KPNA3: variants seen among roughly 807,000 people sequenced by gnomAD.
KPNA3 encodes importin subunit alpha-4.
In KPNA3, 13 loss-of-function variants were observed where a neutral mutation model predicts 73.8. The ratio of observed to expected loss-of-function variants is 0.18; its 90% CI spans 0.11 to 0.28. KPNA3 has a LOEUF of 0.28. KPNA3 is among the 10% of genes least tolerant of loss of function. The pLI is 1.00. For missense variants in KPNA3, 360 were observed against 618.1 expected, an observed-to-expected ratio of 0.58 and a Z score of 4.43; for synonymous variants, 186 against 206.9, an observed-to-expected ratio of 0.90 and a Z score of 0.87.
At chr13:49,717,392 TGCACTCCA>T (rs1954313675) in intron 10 of KPNA3, among the ~76,000 whole-genome samples, 1 of 133,376 alleles carries the variant, frequency 7.5e-6, no homozygotes. Flanking sequence ...ATCGCGCCAC[TGCACTCCA>T]GCCTGGGTGA....
At chr13:49,711,279 G>GT (rs1473704033) in intron 10 of KPNA3, among the ~76,000 whole-genome samples, 2 of 152,156 alleles carry the variant, frequency 1.3e-5, no homozygotes, top group Non-Finnish European at 2.9e-5. Flanking sequence ...CTGCATTTAT[G>GT]TATCAGACAG....
At chr13:49,733,936 T>G (rs535212922) in intron 2 of KPNA3, among the ~76,000 whole-genome samples, 2 of 152,192 alleles carry the variant, frequency 1.3e-5, no homozygotes, top group Non-Finnish European at 2.9e-5. Context: ...CAGAAAACAG[T>G]TGAACTGGCC....
intron 1 of KPNA3, among the ~76,000 whole-genome samples, chr13:49,768,567 ATTTTTTTTTTTT>A (rs67753113): frequency 1.5e-4 from 10 of 64,892 alleles, no homozygotes; most frequent in Non-Finnish European, 2.6e-4. Context: ...GGGTTAATCA[ATTTTTTTTTTTT>A]TTTTTTTTTT....
intron 1 of KPNA3, among the ~76,000 whole-genome samples, chr13:49,753,026 CAAAAAAAAAAAAAA>C (rs71078888): frequency 0.07 from 5,766 of 82,776 alleles, 439 homozygotes; most frequent in African/African-American, 0.26. Flanking sequence ...GACTCTGTCT[CAAAAAAAAAAAAAA>C]AAAAAAAAAA....
At position 49,711,115 on chromosome 13, in the gene KPNA3, C is replaced by T. The variant is rs1329424439; in HGVS notation, c.772-93G>A. On this transcript the variant is annotated intron_variant, in intron 10 of 16. Coordinates refer to ENST00000261667, the MANE Select transcript of KPNA3 (RefSeq NM_002267.4). ...TCAGGAGTAGTGACAGAAAAAGTAA[C>T]CAAATTTCAAGTTTTAGCTTAGTGG... The T allele has an allele frequency of 2.0e-5, 25 of 1,252,302 alleles. No homozygotes were observed. The East Asian group carries it at 5.8e-4, about 29-fold the overall frequency. The allele number at this position is 1,252,302 out of a possible 1,614,324, so 77.6% of individuals were successfully genotyped here. A position where few individuals can be genotyped will look rare whatever the true frequency, so the allele number is the denominator to read the frequency against.
In KPNA3 at chr13:49,770,131, C is replaced by T. The variant is rs565161899; in HGVS notation, c.69+22307G>A. On this transcript the variant is annotated intron_variant, in intron 1 of 16. Coordinates refer to ENST00000261667, the MANE Select transcript of KPNA3 (RefSeq NM_002267.4). Reference sequence around the variant, plus strand: ...ACAAATTCTGGATGTTAAGTAGTACCTTTAATGGATGTATGATGTGCAATT... The same window carrying T: ...ACAAATTCTGGATGTTAAGTAGTACTTTTAATGGATGTATGATGTGCAATT... Among the ~76,000 whole-genome samples, 4 of 148,592 alleles carry T rather than the reference C, an allele frequency of 2.7e-5. No homozygotes were observed. The South Asian group carries it at 8.5e-4, about 31-fold the overall frequency.
intron 1 of KPNA3, among the ~76,000 whole-genome samples, chr13:49,791,090 A>G (rs989213351): frequency 6.6e-6 from 1 of 152,220 alleles, no homozygotes; most frequent in Non-Finnish European, 1.5e-5. Context: ...GACTCATTTA[A>G]ATGGGAATTC....
Position 49,770,825 on chromosome 13 carries a change from C to A in KPNA3, c.69+21613G>T, listed in dbSNP as rs1260570240. Among the ~76,000 whole-genome samples, 7 of 147,450 alleles carry A rather than the reference C, an allele frequency of 4.7e-5. 1 individual carries two copies. Among genetic ancestry groups the A allele is most frequent in the African/African-American group, 1.8e-4 (7 of 39,554 alleles). ...CCCTTGCTGAAAATCAATTGACCTA[C>A]CCACCTACCAAAAAAAAAAAAAAAA... is the stretch of plus-strand genomic sequence containing the variant. On this transcript the variant is annotated intron_variant, in intron 1 of 16. Coordinates refer to ENST00000261667, the MANE Select transcript of KPNA3 (RefSeq NM_002267.4).
Position 49,792,544 on chromosome 13 carries a change from T to TGCGGCTGCG in KPNA3, c.-39_-38insCGCAGCCGC, listed in dbSNP as rs1555309094. ...CTCCGGCGGCGGCTACTCCTGCGGC[T>TGCGGCTGCG]GCGGCGGCGGCGGCGGCGAATCTTG... On this transcript the variant is annotated 5_prime_UTR_variant, in exon 1 of 17. Coordinates refer to ENST00000261667, the MANE Select transcript of KPNA3 (RefSeq NM_002267.4). 7.8e-7 allele frequency: 1 copy of TGCGGCTGCG among 1,277,300 alleles called. No individual in the cohort carries two copies. The highest frequency in any genetic ancestry group is 3.4e-5 in the East Asian group (1 of 29,386). The allele number at this position is 1,277,300 out of a possible 1,614,324, so 79.1% of individuals were successfully genotyped here. A position where few individuals can be genotyped will look rare whatever the true frequency, so the allele number is the denominator to read the frequency against.
At chr13:49,765,677 C>T (rs1251215394) in intron 1 of KPNA3, among the ~76,000 whole-genome samples, 1 of 152,170 alleles carries the variant, frequency 6.6e-6, no homozygotes, top group Non-Finnish European at 1.5e-5. Context: ...TATCCTTTAG[C>T]AGACACTTAC....
intron 1 of KPNA3, among the ~76,000 whole-genome samples, chr13:49,748,412 C>G (rs754595655): frequency 1.3e-5 from 2 of 151,926 alleles, no homozygotes; most frequent in African/African-American, 4.8e-5. Flanking sequence ...ATAATGGATT[C>G]TTTTATTACA....
chr13:49,759,545 T>C (rs144426296), intron 1 of KPNA3, among the ~76,000 whole-genome samples: 116 of 152,322 alleles, frequency 7.6e-4, no homozygotes, highest in Non-Finnish European at 5.7e-4. Context: ...CCTGAGCTTG[T>C]TTTCCTGCAA....
intron 1 of KPNA3, among the ~76,000 whole-genome samples, chr13:49,772,948 A>T (rs1954867014): frequency 6.6e-6 from 1 of 152,254 alleles, no homozygotes; most frequent in African/African-American, 2.4e-5. Flanking sequence ...TAGCAGTCTT[A>T]CTTACAATTG....
At chr13:49,782,755 T>C (rs549082841) in intron 1 of KPNA3, among the ~76,000 whole-genome samples, 3 of 151,970 alleles carry the variant, frequency 2.0e-5, no homozygotes, top group African/African-American at 7.2e-5. Flanking sequence ...GGCGTGCACC[T>C]GTCCAGCTAC....
At chr13:49,709,438 A>T in intron 12 of KPNA3, 134 bp downstream of exon 12, 4 of 565,622 alleles carry the variant, frequency 7.1e-6, no homozygotes, top group Non-Finnish European at 1.2e-5. Flanking sequence ...ACATTTGCAG[A>T]GGTGATTTAA....
At chr13:49,768,884 C>T (rs1954831256) in intron 1 of KPNA3, among the ~76,000 whole-genome samples, 2 of 152,124 alleles carry the variant, frequency 1.3e-5, no homozygotes, top group South Asian at 4.1e-4. Context: ...GATTTACCCA[C>T]TAAGTTTCTT....
chr13:49,778,993 C>A (rs1372227484), intron 1 of KPNA3, among the ~76,000 whole-genome samples: 2 of 152,092 alleles, frequency 1.3e-5, no homozygotes, highest in African/African-American at 4.8e-5. Flanking sequence ...ACCTGGTTAC[C>A]AACTAGATGA....
chr13:49,761,696 G>A lies in KPNA3; in HGVS notation c.70-14703C>T, dbSNP rs1315608524. Among the ~76,000 whole-genome samples the A allele has an allele frequency of 7.3e-3, 1,080 of 147,076 alleles. 3 individuals are homozygous for A. The highest frequency in any genetic ancestry group is 0.025 in the African/African-American group (1,010 of 40,724). ...AAGTGAGGAGCGTCTCTGCCTGGCCGCCCATCGTCTGGGATGTGAGGAGCC... is the reference window on the plus strand; with the variant it reads ...AAGTGAGGAGCGTCTCTGCCTGGCCACCCATCGTCTGGGATGTGAGGAGCC... On this transcript the variant is annotated intron_variant, in intron 1 of 16. Coordinates refer to ENST00000261667, the MANE Select transcript of KPNA3 (RefSeq NM_002267.4).
intron 11 of KPNA3, among the ~76,000 whole-genome samples, chr13:49,710,520 G>A (rs1566333701): frequency 6.6e-6 from 1 of 152,326 alleles, no homozygotes; most frequent in Non-Finnish European, 1.5e-5. Flanking sequence ...ATTTTGTAAT[G>A]GAATGGGAAT....
Sources: allele counts gnomAD v4.1 joint callset (sites outside exome capture counted in the v4.1 genomes callset), GRCh38; gene constraint gnomAD v4.1.1; transcripts MANE v1.5; gene names NCBI Gene and HGNC (gene_info 2026-07-23, HGNC 2026-07-21).